The following TRPM3 variants were observed in gnomAD, a reference collection of about 807,000 sequenced individuals.
TRPM3 encodes the protein long transient receptor potential channel 3.
A neutral mutation model predicts 181.2 loss-of-function variants in TRPM3; 77 were observed. That is an observed-to-expected ratio of 0.42 (90% CI 0.35 to 0.51). The LOEUF (loss-of-function observed/expected upper bound fraction) is 0.51. Ranked by LOEUF, TRPM3 falls within the 20% of genes least tolerant of loss-of-function variation. TRPM3 has a pLI of 0.01. For missense variants in TRPM3, 1,759 were observed against 2,196.7 expected, an observed-to-expected ratio of 0.80 and a Z score of 3.98; for synonymous variants, 745 against 796.4, an observed-to-expected ratio of 0.94 and a Z score of 1.09.
intron 9 of TRPM3, among the ~76,000 whole-genome samples, chr9:70,653,218 A>G (rs1212418880): frequency 2.0e-5 from 3 of 152,140 alleles, no homozygotes; most frequent in African/African-American, 4.8e-5. Flanking sequence ...TCATGAATGG[A>G]AAAGAATGAT....
intron 1 of TRPM3, among the ~76,000 whole-genome samples, chr9:71,414,111 C>G (rs986325004): frequency 6.6e-6 from 1 of 152,060 alleles, no homozygotes; most frequent in African/African-American, 2.4e-5. Context: ...TAGTGCCATT[C>G]TTCATAATGC....
At chr9:71,090,534 C>G (rs1449469907) in intron 1 of TRPM3, among the ~76,000 whole-genome samples, 3 of 152,122 alleles carry the variant, frequency 2.0e-5, no homozygotes, top group African/African-American at 4.8e-5. Context: ...CAAGGTGTCC[C>G]CTAAGAGACG....
chr9:70,972,245 A>G (rs552627476), intron 1 of TRPM3, among the ~76,000 whole-genome samples: 62 of 152,366 alleles, frequency 4.1e-4, no homozygotes, highest in African/African-American at 1.5e-3. Flanking sequence ...AAAGGAATAC[A>G]ATTGTGATTC....
chr9:70,974,928 C>G (rs992390963), intron 1 of TRPM3, among the ~76,000 whole-genome samples: 4 of 135,110 alleles, frequency 3.0e-5, no homozygotes, highest in African/African-American at 1.1e-4. Context: ...AGTGCAGTGG[C>G]GTGATCTTGG....
chr9:70,969,756 T>TATATA (rs2097220204), intron 1 of TRPM3, among the ~76,000 whole-genome samples: 1 of 126,590 alleles, frequency 7.9e-6, no homozygotes, highest in South Asian at 2.6e-4. Flanking sequence ...CTGAATGATT[T>TATATA]TATATATATA....
At chr9:70,809,251 C>T (rs1048391658) in intron 6 of TRPM3, among the ~76,000 whole-genome samples, 1 of 152,076 alleles carries the variant, frequency 6.6e-6, no homozygotes, top group African/African-American at 2.4e-5. Flanking sequence ...AAAAAAGTTA[C>T]AGTCAGCTAA....
At position 70,845,277 on chromosome 9, in the gene TRPM3, T is replaced by C. The variant is rs558100023; in HGVS notation, c.676+1101A>G. Among the ~76,000 whole-genome samples, 15 of 152,316 alleles carry C rather than the reference T, an allele frequency of 9.8e-5. No individual in the cohort carries two copies. The South Asian group carries it at 1.7e-3, about 17-fold the overall frequency. ...TTTTTGAGACAGAGTTTTGCTCTTGTTGCCCAGGCTGGAGTGTGGTGGCAT... is the reference window on the plus strand; with the variant it reads ...TTTTTGAGACAGAGTTTTGCTCTTGCTGCCCAGGCTGGAGTGTGGTGGCAT... On this transcript the variant is annotated intron_variant, in intron 4 of 25. Transcript: ENST00000677713.
chr9:70,545,429 A>T (rs1296271606), intron 25 of TRPM3, among the ~76,000 whole-genome samples: 1 of 152,226 alleles, frequency 6.6e-6, no homozygotes, highest in Non-Finnish European at 1.5e-5. Flanking sequence ...AAGCAGGATA[A>T]GCAATGAAAT....
chr9:70,682,230 A>G (rs759646530), intron 8 of TRPM3, among the ~76,000 whole-genome samples: 2 of 152,150 alleles, frequency 1.3e-5, no homozygotes, highest in African/African-American at 4.8e-5. Flanking sequence ...CATATTTAAA[A>G]ATATGTTACC....
At position 71,423,360 on chromosome 9, in the gene TRPM3, T is replaced by C. The variant is rs576829081; in HGVS notation, c.183+23293A>G. 1.7e-4 allele frequency among the ~76,000 whole-genome samples: 26 copies of C among 152,266 alleles called. 1 individual carries two copies. The South Asian group carries it at 5.4e-3, about 32-fold the overall frequency. On this transcript the variant is annotated intron_variant, in intron 1 of 24. Coordinates refer to the TRPM3 transcript ENST00000357533. ...GCAATTTTTGTTTTCAAGTTTCATC[T>C]TCTTTGCAACTATTTTGTAATGTGA...
At chr9:71,422,787 T>C (rs1238536703) in intron 1 of TRPM3, among the ~76,000 whole-genome samples, 3 of 152,064 alleles carry the variant, frequency 2.0e-5, no homozygotes, top group African/African-American at 7.2e-5. Context: ...TATTATTTGA[T>C]ATTTTCCAGT....
At chr9:70,669,840 G>T (rs116431594) in intron 9 of TRPM3, among the ~76,000 whole-genome samples, 3 of 150,694 alleles carry the variant, frequency 2.0e-5, no homozygotes, top group African/African-American at 7.3e-5. Context: ...GGGCTCAAGC[G>T]ATCCTTTCAT....
Position 71,070,025 on chromosome 9 carries a change from T to C in TRPM3, c.177+51153A>G, listed in dbSNP as rs1218733296. Among the ~76,000 whole-genome samples, 8 of 152,232 alleles carry C rather than the reference T, an allele frequency of 5.3e-5. No homozygotes were observed. The East Asian group carries it at 1.5e-3, about 29-fold the overall frequency. ...AATACTTTAATATGCCAAGTTATCA[T>C]TCTGCTTAGTTTTTATTTTAATGAG... On this transcript the variant is annotated intron_variant, in intron 1 of 25. Transcript: ENST00000677713.
At position 70,620,056 on chromosome 9, in the gene TRPM3, A is replaced by G. The variant is rs1188465398; in HGVS notation, c.2129+20T>C. 7.6e-6 allele frequency: 12 copies of G among 1,589,030 alleles called. No individual in the cohort carries two copies. Among genetic ancestry groups the G allele is most frequent in the African/African-American group, 1.3e-5 (1 of 74,374 alleles). On this transcript the variant is annotated intron_variant, in intron 16 of 25. Transcript: ENST00000677713. ...TTCCTCCTCTCCCCCTGACCAGCCC[A>G]TTTTGCTGGGCGGACCCACCTGGAA...
At chr9:70,555,888 A>G (rs1289479330) in intron 22 of TRPM3, among the ~76,000 whole-genome samples, 2 of 152,198 alleles carry the variant, frequency 1.3e-5, no homozygotes, top group Non-Finnish European at 2.9e-5. Context: ...GCTTGGGGTT[A>G]AGTTAGAGAA....
chr9:70,873,450 T>C (rs2095823087), intron 1 of TRPM3, among the ~76,000 whole-genome samples: 1 of 151,994 alleles, frequency 6.6e-6, no homozygotes, highest in South Asian at 2.1e-4. Context: ...AGTATCTTTC[T>C]TCAAATTTCT....
At chr9:70,546,944 C>A (rs1330871809) in intron 25 of TRPM3, among the ~76,000 whole-genome samples, 1 of 152,032 alleles carries the variant, frequency 6.6e-6, no homozygotes, top group African/African-American at 2.4e-5. Flanking sequence ...CTTTACATAC[C>A]ACTGTGATGC....
rs1042282421 is a variant in TRPM3 at position 70,809,949 on chromosome 9, A to G, written c.973+17898T>C. ...TGTCATGGTTATCCCAATGCATTTGATGATGGTGCAATGATCAAAAAAGAT... is the reference window on the plus strand; with the variant it reads ...TGTCATGGTTATCCCAATGCATTTGGTGATGGTGCAATGATCAAAAAAGAT... On this transcript the variant is annotated intron_variant, in intron 6 of 25. Transcript: ENST00000677713. 9.9e-5 allele frequency: 53 copies of G among 534,450 alleles called. No individual in the cohort carries two copies. The Admixed American group carries it at 1.0e-3, about 10-fold the overall frequency. 33.1% of individuals were successfully genotyped at this position (534,450 alleles called of 1,614,324 possible). A position where few individuals can be genotyped will look rare whatever the true frequency, so the allele number is the denominator to read the frequency against.
chr9:70,578,218 T>G (rs1229009530), intron 22 of TRPM3, among the ~76,000 whole-genome samples: 1 of 151,614 alleles, frequency 6.6e-6, no homozygotes, highest in Non-Finnish European at 1.5e-5. Flanking sequence ...GCTGGATTGA[T>G]TGAACTGAAC....
Sources: allele counts gnomAD v4.1 joint callset (sites outside exome capture counted in the v4.1 genomes callset), GRCh38; gene constraint gnomAD v4.1.1; transcripts MANE v1.5; gene names NCBI Gene and HGNC (gene_info 2026-07-23, HGNC 2026-07-21).